Variants in DOCK9 observed in about 807,000 individuals in gnomAD.
DOCK9 encodes the protein dedicator of cytokinesis protein 9.
In DOCK9, 89 loss-of-function variants were observed where a neutral mutation model predicts 263.3. The observed-to-expected ratio is 0.34, with a 90% CI of 0.28 to 0.40. The LOEUF (loss-of-function observed/expected upper bound fraction) is 0.40. DOCK9 is among the 10% of genes least tolerant of loss of function. DOCK9 has a pLI of 1.00. For synonymous variants in DOCK9, 976 were observed against 973.1 expected (o/e 1.00, Z -0.06); for missense variants, 2,140 against 2,603.4 (o/e 0.82, Z 3.87).
chr13:99,058,924 T>C (rs1189904256), intron 1 of DOCK9, among the ~76,000 whole-genome samples: 3 of 152,126 alleles, frequency 2.0e-5, no homozygotes, highest in South Asian at 2.1e-4. Flanking sequence ...TCTCAGAAGG[T>C]TGTGGCACCC....
At chr13:98,861,081 G>A (rs1321657619) in intron 32 of DOCK9, among the ~76,000 whole-genome samples, 1 of 152,156 alleles carries the variant, frequency 6.6e-6, no homozygotes, top group African/African-American at 2.4e-5. Flanking sequence ...AGTTCAAGGA[G>A]GTCACATTCT....
At chr13:98,888,953 T>G (rs1193562675) in intron 15 of DOCK9, among the ~76,000 whole-genome samples, 4 of 152,246 alleles carry the variant, frequency 2.6e-5, no homozygotes, top group Non-Finnish European at 5.9e-5. Context: ...AAATGTGTAC[T>G]CTAAGTCTTT....
intron 1 of DOCK9, among the ~76,000 whole-genome samples, chr13:99,055,906 T>C (rs1160012930): frequency 6.6e-6 from 1 of 151,924 alleles, no homozygotes; most frequent in East Asian, 1.9e-4. Flanking sequence ...CCAAAGAATC[T>C]GGGATTTTTT....
intron 1 of DOCK9, among the ~76,000 whole-genome samples, chr13:99,036,666 C>T (rs1887913922): frequency 6.6e-6 from 1 of 152,056 alleles, no homozygotes; most frequent in East Asian, 1.9e-4. Flanking sequence ...CTCAGCCTCC[C>T]GTAGCTGGGA....
chr13:99,087,067 C>T (rs1032299703), upstream of DOCK9, among the ~76,000 whole-genome samples: 3 of 147,110 alleles, frequency 2.0e-5, no homozygotes, highest in Admixed American at 6.6e-5. Flanking sequence ...GCGCCCGGGG[C>T]CTCTGCGGGG....
chr13:98,874,646 A>G lies in DOCK9; in HGVS notation c.2943+5252T>C, dbSNP rs145162186. Among the ~76,000 whole-genome samples, 3 of 152,312 alleles carry G rather than the reference A, an allele frequency of 2.0e-5. No homozygotes were observed. The East Asian group carries it at 5.8e-4, about 29-fold the overall frequency. The stretch of plus-strand genomic sequence containing the variant: ...TTCATCAGCATCACCATAAAATGTC[A>G]TTTCATATTATTGCAGTTAGAGAGC... On this transcript the variant is annotated intron_variant, in intron 27 of 52. Transcript: ENST00000682017.
intron 1 of DOCK9, among the ~76,000 whole-genome samples, chr13:99,061,423 C>T (rs1359161123): frequency 6.6e-6 from 1 of 152,216 alleles, no homozygotes; most frequent in Non-Finnish European, 1.5e-5. Context: ...GTCTTAGAGA[C>T]CCTCCTTGCC....
chr13:98,837,487 TACA>T lies in DOCK9; in HGVS notation c.4314+4_4314+6del. On this transcript the variant is annotated splice_donor_5th_base_variant and intron_variant, in intron 39 of 52. Transcript: ENST00000682017. ...ACTAGAACCACGAACAGCAAATTGA[TACA>T]AACCTTAAACGCCAATGTAAATAGA... The T allele has an allele frequency of 6.2e-7, 1 of 1,601,070 alleles. No homozygotes were observed. The highest frequency in any genetic ancestry group is 8.6e-7 in the Non-Finnish European group (1 of 1,168,822).
chr13:99,075,938 G>T (rs1455055189), intron 1 of DOCK9, among the ~76,000 whole-genome samples: 1 of 151,986 alleles, frequency 6.6e-6, no homozygotes, highest in Non-Finnish European at 1.5e-5. Flanking sequence ...TCTACTACAG[G>T]CCCTGACCCA....
chr13:98,882,600 C>G (rs1317926651), intron 23 of DOCK9, among the ~76,000 whole-genome samples: 3 of 152,146 alleles, frequency 2.0e-5, no homozygotes, highest in Non-Finnish European at 4.4e-5. Context: ...GCCAGGAACC[C>G]CTTGCACAAA....
chr13:98,816,711 G>C (rs1255807234), intron 45 of DOCK9, among the ~76,000 whole-genome samples: 2 of 151,660 alleles, frequency 1.3e-5, no homozygotes, highest in African/African-American at 2.4e-5. Context: ...AAGAGGATCG[G>C]GTTAGTCAGG....
chr13:98,887,330 T>C (rs2138898078), intron 18 of DOCK9, among the ~76,000 whole-genome samples: 1 of 151,304 alleles, frequency 6.6e-6, no homozygotes, highest in African/African-American at 2.4e-5. Context: ...AACATATGGA[T>C]AATAGGCCGG....
upstream of DOCK9, chr13:99,087,783 G>A (rs2042382554): frequency 6.6e-6 from 1 of 152,396 alleles, no homozygotes; most frequent in Non-Finnish European, 1.5e-5. Context: ...CGGCTCTGCT[G>A]ATTGGTCGGG....
chr13:98,958,953 T>C (rs1024596033), intron 1 of DOCK9, among the ~76,000 whole-genome samples: 10 of 152,222 alleles, frequency 6.6e-5, no homozygotes, highest in Admixed American at 6.5e-4. Context: ...CCCCCCAAGG[T>C]GTATCTTGGA....
chr13:98,977,925 CAAGTCAGA>C lies in DOCK9; in HGVS notation c.-24_-17del. ...CAGCCTGCATTCTCGGCTGAAAACG[CAAGTCAGA>C]AAGTCTGCAACTGGAACAGCTGCGA... On this transcript the variant is annotated 5_prime_UTR_variant, in exon 1 of 53. The change abolishes the stop of an existing upstream ORF in the 5' untranslated region. Coordinates refer to ENST00000682017, the MANE Select transcript of DOCK9 (RefSeq NM_001366683.2). 1 of 1,568,654 alleles carries C rather than the reference CAAGTCAGA, an allele frequency of 6.4e-7. No individual in the cohort carries two copies. Among genetic ancestry groups the C allele is most frequent in the African/African-American group, 1.3e-5 (1 of 74,098 alleles).
At chr13:99,056,097 G>C (rs2040906934) in intron 1 of DOCK9, among the ~76,000 whole-genome samples, 1 of 152,138 alleles carries the variant, frequency 6.6e-6, no homozygotes, top group Non-Finnish European at 1.5e-5. Context: ...AATTCCACAA[G>C]GTCTTTCCAG....
At chr13:98,933,837 GA>G (rs2054348749) in intron 2 of DOCK9, among the ~76,000 whole-genome samples, 1 of 152,114 alleles carries the variant, frequency 6.6e-6, no homozygotes, top group Admixed American at 6.6e-5. Context: ...GAGATAGAAG[GA>G]ATGATGATCA....
rs146667926 is a variant in DOCK9 at position 98,798,954 on chromosome 13, C to T, written c.5916+1334G>A. Among the ~76,000 whole-genome samples, 149 of 152,344 alleles carry T rather than the reference C, an allele frequency of 9.8e-4. 1 individual carries two copies. The highest frequency in any genetic ancestry group is 3.3e-3 in the African/African-American group (137 of 41,580). On this transcript the variant is annotated intron_variant, in intron 50 of 52. Transcript: ENST00000682017. ...CTGGACTGGTGCCACACCCCTCCAG[C>T]GGCCTTTCCATAGGGGCTGGATGTT... is the stretch of plus-strand genomic sequence containing the variant.
intron 38 of DOCK9, among the ~76,000 whole-genome samples, chr13:98,838,914 G>C (rs1321133649): frequency 1.3e-5 from 2 of 151,166 alleles, no homozygotes; most frequent in African/African-American, 2.4e-5. Flanking sequence ...GAAAAAAACA[G>C]AATCTACACT....
Sources: allele counts gnomAD v4.1 joint callset (sites outside exome capture counted in the v4.1 genomes callset), GRCh38; gene constraint gnomAD v4.1.1; transcripts MANE v1.5; gene names NCBI Gene and HGNC (gene_info 2026-07-23, HGNC 2026-07-21).